The following SLC12A6 variants were observed in gnomAD, a reference collection of about 807,000 sequenced individuals.
SLC12A6 encodes the protein solute carrier family 12 member 6, also known as K-Cl cotransporter 3.
Under a neutral mutation model 135.3 loss-of-function variants are expected in SLC12A6, and 66 were observed. The ratio of observed to expected loss-of-function variants is 0.49; its 90% CI spans 0.40 to 0.60. The LOEUF (loss-of-function observed/expected upper bound fraction) is 0.60. Among genes scored for constraint, SLC12A6 ranks in the 20% least tolerant of loss-of-function variants. The probability of loss-of-function intolerance (pLI) is 0.00; values close to 1 mark genes in which losing one functional copy is unlikely to be tolerated. For missense variants in SLC12A6, 1,058 were observed against 1,452.3 expected, an observed-to-expected ratio of 0.73 and a Z score of 4.41; for synonymous variants, 513 against 508.8, an observed-to-expected ratio of 1.01 and a Z score of -0.11.
chr15:34,246,084 C>G (rs1891968570), intron 13 of SLC12A6, among the ~76,000 whole-genome samples: 1 of 152,070 alleles, frequency 6.6e-6, no homozygotes, highest in Non-Finnish European at 1.5e-5. Flanking sequence ...AGGTGTGCAC[C>G]AACACACCTG....
intron 2 of SLC12A6, among the ~76,000 whole-genome samples, chr15:34,326,089 C>T (rs1889439029): frequency 1.3e-5 from 2 of 152,218 alleles, no homozygotes. Context: ...AATACCAAAG[C>T]AGGCATTATC....
At chr15:34,302,165 A>G (rs1212893608) in intron 2 of SLC12A6, among the ~76,000 whole-genome samples, 1 of 152,172 alleles carries the variant, frequency 6.6e-6, no homozygotes, top group African/African-American at 2.4e-5. Flanking sequence ...AGCCTATAAC[A>G]CTGAGAAGAT....
At chr15:34,275,417 GAAAA>G (rs771857961) in intron 2 of SLC12A6, 28 bp from the exon 3 acceptor site, 2 of 1,289,532 alleles carry the variant, frequency 1.6e-6, no homozygotes, top group African/African-American at 2.9e-5. Context: ...GAAAAGAAAA[GAAAA>G]AAATGAATGA....
rs138749345 is a variant in SLC12A6 at position 34,262,709 on chromosome 15, C to T, written c.317-1689G>A. 3.8e-3 allele frequency among the ~76,000 whole-genome samples: 581 copies of T among 152,270 alleles called. 5 individuals carry two copies. The highest frequency in any genetic ancestry group is 8.6e-3 in the African/African-American group (357 of 41,552). On this transcript the variant is annotated intron_variant, in intron 3 of 25. Coordinates refer to ENST00000354181, the MANE Select transcript of SLC12A6 (RefSeq NM_001365088.1). ...TCAGGGTTGCGGACACCCGTCTGGGCGCCACCATGTTCCCCTCAGTGTGAC... is the reference window on the plus strand; with the variant it reads ...TCAGGGTTGCGGACACCCGTCTGGGTGCCACCATGTTCCCCTCAGTGTGAC...
intron 6 of SLC12A6, 111 bp downstream of exon 6, chr15:34,257,531 C>A: frequency 1.2e-6 from 1 of 831,970 alleles, no homozygotes; most frequent in Non-Finnish European, 2.1e-6. Context: ...CTGTTGAGAT[C>A]ATGAGTCCTT....
chr15:34,241,269 C>T lies in SLC12A6; in HGVS notation c.2231G>A (p.Arg744Gln). The stretch of plus-strand genomic sequence containing the variant: ...AGTGTGTGGAGGTCCTTCCTCCAAT[C>T]GAAGCAAAGCAAACCGGGCTGCACT... ...SLSAARFALL[R>Q]LEEGPPHTKN... The change falls in exon 18 of 26, where the codon CGA becomes CAA. Residue 744 changes from arginine to glutamine, a missense_variant. Physicochemically the swap from Arg to Gln is conservative, Grantham distance 43. Around this residue, in one of 6 missense-constraint regions of SLC12A6, gnomAD observed 170 missense variants for 297.6 expected, o/e 0.57. Coordinates refer to ENST00000354181, the MANE Select transcript of SLC12A6 (RefSeq NM_001365088.1). 3.1e-6 allele frequency: 5 copies of T among 1,609,414 alleles called. No homozygotes were observed. The highest frequency in any genetic ancestry group is 1.3e-5 in the African/African-American group (1 of 74,924).
At chr15:34,262,645 A>G (rs1446559858) in intron 3 of SLC12A6, among the ~76,000 whole-genome samples, 1 of 152,172 alleles carries the variant, frequency 6.6e-6, no homozygotes, top group East Asian at 1.9e-4. Flanking sequence ...GGTGGGACTA[A>G]AAGAGCTATT....
intron 2 of SLC12A6, among the ~76,000 whole-genome samples, chr15:34,319,327 G>T (rs2141119858): frequency 6.6e-6 from 1 of 151,342 alleles, no homozygotes; most frequent in South Asian, 2.1e-4. Flanking sequence ...TTTTAGTAGA[G>T]ACGGGGGTCT....
intron 2 of SLC12A6, among the ~76,000 whole-genome samples, chr15:34,331,666 A>G (rs1190293060): frequency 2.6e-5 from 4 of 152,204 alleles, no homozygotes; most frequent in African/African-American, 9.7e-5. Flanking sequence ...CTTGTCCTCA[A>G]GAACCCTACA....
At chr15:34,246,331 C>T (rs981514754) in intron 13 of SLC12A6, among the ~76,000 whole-genome samples, 7 of 152,118 alleles carry the variant, frequency 4.6e-5, no homozygotes, top group East Asian at 1.9e-4. Flanking sequence ...GCACTATTGA[C>T]CTATATTAGG....
chr15:34,307,763 AG>A (rs1203732430), intron 2 of SLC12A6, among the ~76,000 whole-genome samples: 1 of 152,232 alleles, frequency 6.6e-6, no homozygotes, highest in Non-Finnish European at 1.5e-5. Flanking sequence ...GCAGAAGAGA[AG>A]AAAGTTGAGA....
Position 34,333,226 on chromosome 15 carries a change from CTTTTT to C in SLC12A6, c.271+3179_271+3183del, listed in dbSNP as rs1358530926. 4.5e-3 allele frequency among the ~76,000 whole-genome samples: 657 copies of C among 146,444 alleles called. 11 individuals carry two copies. The highest frequency in any genetic ancestry group is 0.016 in the African/African-American group (613 of 39,118). On this transcript the variant is annotated intron_variant, in intron 2 of 25. Coordinates refer to ENST00000354181, the MANE Select transcript of SLC12A6 (RefSeq NM_001365088.1). ...AGAAAATTCCACTCTATTTTTTTTT[CTTTTT>C]CTTTTTTTTTTTTTTTGAGACAGAG...
chr15:34,288,613 T>C (rs1175123264), intron 2 of SLC12A6, among the ~76,000 whole-genome samples: 4 of 152,246 alleles, frequency 2.6e-5, no homozygotes, highest in Non-Finnish European at 4.4e-5. Flanking sequence ...TTCCTACCCA[T>C]GAGCATAGAA....
chr15:34,231,280 T>TAGGA lies in SLC12A6; in HGVS notation c.*2600_*2601insTCCT, dbSNP rs1383993076. 5.9e-5 allele frequency: 9 copies of TAGGA among 152,078 alleles called. No homozygotes were observed. The highest frequency in any genetic ancestry group is 2.2e-4 in the African/African-American group (9 of 41,328). The allele number at this position is 152,078 out of a possible 1,614,324, so 9.4% of individuals were successfully genotyped here. A position where few individuals can be genotyped will look rare whatever the true frequency, so the allele number is the denominator to read the frequency against. ...GGGAGGCTGAGGCAGGAGAATCGCTTGAACCCAGGAGGCAGAGGTTGCGGT... is the reference window on the plus strand; with the variant it reads ...GGGAGGCTGAGGCAGGAGAATCGCTTAGGAGAACCCAGGAGGCAGAGGTTGCGGT... On this transcript the variant is annotated 3_prime_UTR_variant, in exon 26 of 26. Transcript: ENST00000354181.
chr15:34,330,986 G>C (rs927747988), intron 2 of SLC12A6, among the ~76,000 whole-genome samples: 2 of 152,070 alleles, frequency 1.3e-5, no homozygotes, highest in Non-Finnish European at 2.9e-5. Flanking sequence ...AGGTTGCAAT[G>C]AGTGGAGACC....
chr15:34,259,882 C>G (rs147218101), intron 4 of SLC12A6, among the ~76,000 whole-genome samples: 3 of 152,184 alleles, frequency 2.0e-5, no homozygotes, highest in African/African-American at 7.2e-5. Flanking sequence ...CATGTGGGAT[C>G]TAAAAAGTAG....
At chr15:34,269,816 A>G (rs1893790209) in intron 3 of SLC12A6, among the ~76,000 whole-genome samples, 1 of 151,988 alleles carries the variant, frequency 6.6e-6, no homozygotes, top group South Asian at 2.1e-4. Flanking sequence ...ACTACTTCAC[A>G]GTGGTATTAT....
chr15:34,295,097 G>A (rs1169294842), intron 2 of SLC12A6, among the ~76,000 whole-genome samples: 3 of 152,190 alleles, frequency 2.0e-5, no homozygotes, highest in African/African-American at 7.2e-5. Flanking sequence ...ACACCTAAAC[G>A]TTTTACCTGT....
intron 2 of SLC12A6, among the ~76,000 whole-genome samples, chr15:34,316,748 T>C (rs1213371929): frequency 2.6e-5 from 4 of 152,220 alleles, no homozygotes; most frequent in Non-Finnish European, 4.4e-5. Context: ...TTGAATGATT[T>C]TAACACTCTC....
Sources: gnomAD v4.1 joint callset for allele counts (sites outside exome capture counted in the v4.1 genomes callset) on GRCh38, gnomAD v4.1.1 for gene constraint, gnomAD v4.1.1 regional missense constraint, MANE v1.5 for transcripts, NCBI Gene and HGNC (gene_info 2026-07-23, HGNC 2026-07-21) for gene names.